OLA1: variants seen among roughly 807,000 people sequenced by gnomAD.
OLA1 encodes the protein Obg like ATPase 1, also known as obg-like ATPase 1.
OLA1 carries 14 observed loss-of-function variants against 48.4 expected under a neutral mutation model. That is an observed-to-expected ratio of 0.29 (90% confidence interval 0.19 to 0.45). OLA1 has a LOEUF of 0.45. Among genes scored for constraint, OLA1 ranks in the 20% least tolerant of loss-of-function variants. The probability of loss-of-function intolerance (pLI) is 1.00; values close to 1 mark genes in which losing one functional copy is unlikely to be tolerated. For missense variants in OLA1, 325 were observed against 467.1 expected, an observed-to-expected ratio of 0.70 and a Z score of 2.80; for synonymous variants, 127 against 150.4, an observed-to-expected ratio of 0.84 and a Z score of 1.14.
intron 5 of OLA1, among the ~76,000 whole-genome samples, chr2:174,133,807 T>A (rs1382233195): frequency 6.6e-6 from 1 of 152,220 alleles, no homozygotes; most frequent in Non-Finnish European, 1.5e-5. Context: ...AAATTAGCCA[T>A]CTGAACATAA....
chr2:174,144,951 A>AAAAAATATATATAT (rs1181030817), intron 4 of OLA1, among the ~76,000 whole-genome samples: 1 of 40,296 alleles, frequency 2.5e-5, no homozygotes, highest in African/African-American at 1.0e-4. Flanking sequence ...AAAAAAAAAA[A>AAAAAATATATATAT]ATATATATAT....
At chr2:174,238,299 C>G (rs1180493202) in intron 2 of OLA1, among the ~76,000 whole-genome samples, 1 of 152,006 alleles carries the variant, frequency 6.6e-6, no homozygotes, top group Non-Finnish European at 1.5e-5. Flanking sequence ...AGTTTGAGAC[C>G]AGCCTGGGTC....
At chr2:174,239,551 T>A (rs1274097709) in intron 2 of OLA1, among the ~76,000 whole-genome samples, 1 of 151,926 alleles carries the variant, frequency 6.6e-6, no homozygotes, top group Non-Finnish European at 1.5e-5. Flanking sequence ...AGACTGAGAA[T>A]GTGTTCCAGG....
At chr2:174,238,030 A>T (rs920724999) in intron 2 of OLA1, among the ~76,000 whole-genome samples, 1 of 152,242 alleles carries the variant, frequency 6.6e-6, no homozygotes, top group Non-Finnish European at 1.5e-5. Context: ...GACCAACATC[A>T]TTATGCAGCA....
At chr2:174,187,731 T>C (rs1250526876) in intron 4 of OLA1, among the ~76,000 whole-genome samples, 1 of 152,192 alleles carries the variant, frequency 6.6e-6, no homozygotes, top group East Asian at 1.9e-4. Context: ...GAAGAGTAAA[T>C]AGAAAAACAC....
intron 7 of OLA1, among the ~76,000 whole-genome samples, chr2:174,090,015 A>C (rs975427149): frequency 1.3e-5 from 2 of 152,184 alleles, no homozygotes; most frequent in African/African-American, 4.8e-5. Context: ...GAATATAAGA[A>C]GTGATTCCAG....
chr2:174,189,635 T>C (rs958267967), intron 4 of OLA1, among the ~76,000 whole-genome samples: 2 of 152,192 alleles, frequency 1.3e-5, no homozygotes, highest in Non-Finnish European at 2.9e-5. Context: ...CACATTCTGC[T>C]GGCAAGGTCA....
At chr2:174,084,153 A>G (rs1386093860) in intron 7 of OLA1, among the ~76,000 whole-genome samples, 1 of 152,018 alleles carries the variant, frequency 6.6e-6, no homozygotes, top group African/African-American at 2.4e-5. Context: ...AGTGTAGAGC[A>G]TCACAAGCTT....
intron 3 of OLA1, among the ~76,000 whole-genome samples, chr2:174,226,665 A>G (rs1688623377): frequency 6.6e-6 from 1 of 152,060 alleles, no homozygotes; most frequent in Non-Finnish European, 1.5e-5. Flanking sequence ...ACGTCCGGCT[A>G]CTTTTGTATT....
At chr2:174,112,922 C>G (rs1011145537) in intron 7 of OLA1, among the ~76,000 whole-genome samples, 3 of 152,124 alleles carry the variant, frequency 2.0e-5, no homozygotes, top group African/African-American at 7.2e-5. Flanking sequence ...AACTCCCTCA[C>G]CCCATCACTG....
chr2:174,103,170 T>C (rs1574482709), intron 7 of OLA1, among the ~76,000 whole-genome samples: 1 of 148,650 alleles, frequency 6.7e-6, no homozygotes, highest in Non-Finnish European at 1.5e-5. Flanking sequence ...AATGGAGATA[T>C]ATAATCATGT....
chr2:174,169,135 T>C (rs896038025), intron 4 of OLA1, among the ~76,000 whole-genome samples: 1 of 151,870 alleles, frequency 6.6e-6, no homozygotes, highest in African/African-American at 2.4e-5. Flanking sequence ...TTAGTAGAGA[T>C]GGGGTTTCGC....
chr2:174,088,769 G>C (rs1252606623), intron 7 of OLA1, among the ~76,000 whole-genome samples: 1 of 152,140 alleles, frequency 6.6e-6, no homozygotes, highest in Non-Finnish European at 1.5e-5. Context: ...CCAGCACTTT[G>C]GGAGGCTGAG....
At chr2:174,128,058 A>T (rs781603687) in intron 5 of OLA1, among the ~76,000 whole-genome samples, 2 of 151,776 alleles carry the variant, frequency 1.3e-5, no homozygotes. Context: ...TAGTAATTAG[A>T]ATAGTATGAC....
chr2:174,135,420 G>T (rs1686288753), intron 5 of OLA1, among the ~76,000 whole-genome samples: 1 of 152,192 alleles, frequency 6.6e-6, no homozygotes, highest in African/African-American at 2.4e-5. Context: ...TTGTATTTGT[G>T]GAAAACAAGA....
chr2:174,206,810 A>C (rs907178723), intron 4 of OLA1, among the ~76,000 whole-genome samples: 9 of 152,188 alleles, frequency 5.9e-5, no homozygotes, highest in African/African-American at 2.2e-4. Context: ...TAACCCATTG[A>C]ATTTGTACTG....
chr2:174,113,717 T>C (rs1685711005), intron 7 of OLA1, among the ~76,000 whole-genome samples: 1 of 152,200 alleles, frequency 6.6e-6, no homozygotes, highest in Non-Finnish European at 1.5e-5. Flanking sequence ...CTAAAGTTGC[T>C]GACGTGATAT....
rs1685976621 is a variant in OLA1 at position 174,123,711 on chromosome 2, A to G, written c.550-36T>C. 3 of 1,109,384 alleles carry G rather than the reference A, an allele frequency of 2.7e-6. No individual in the cohort carries two copies. The South Asian group carries it at 5.1e-5, about 19-fold the overall frequency. The allele number at this position is 1,109,384 out of a possible 1,614,324, so 68.7% of individuals were successfully genotyped here. A position where few individuals can be genotyped will look rare whatever the true frequency, so the allele number is the denominator to read the frequency against. On this transcript the variant is annotated intron_variant, in intron 5 of 10. Coordinates refer to ENST00000284719, the MANE Select transcript of OLA1 (RefSeq NM_013341.5). ...TTGAGAAAAAGGTAAATATATATGA[A>G]TAACTAAACATTTAGATACTAAATA...
At chr2:174,170,173 CA>C (rs1373919968) in intron 4 of OLA1, among the ~76,000 whole-genome samples, 4 of 152,114 alleles carry the variant, frequency 2.6e-5, no homozygotes, top group African/African-American at 9.7e-5. Flanking sequence ...GCGGAACTTG[CA>C]GTGAGCCGAG....
Sources: gnomAD v4.1 joint callset for allele counts (sites outside exome capture counted in the v4.1 genomes callset) on GRCh38, gnomAD v4.1.1 for gene constraint, MANE v1.5 for transcripts, NCBI Gene and HGNC (gene_info 2026-07-23, HGNC 2026-07-21) for gene names.